SLC2A13: variants seen among roughly 807,000 people sequenced by gnomAD.
The protein encoded by SLC2A13 is proton myo-inositol cotransporter.
Under a neutral mutation model 64.4 loss-of-function variants are expected in SLC2A13, and 32 were observed. The observed-to-expected ratio is 0.50, with a 90% confidence interval of 0.37 to 0.67. The LOEUF (loss-of-function observed/expected upper bound fraction) is 0.67. Among genes scored for constraint, SLC2A13 ranks in the 30% least tolerant of loss-of-function variants. The pLI, the probability that SLC2A13 is intolerant of heterozygous loss-of-function variation, is 0.00. For missense variants in SLC2A13, 743 were observed against 829.2 expected, an observed-to-expected ratio of 0.90 and a Z score of 1.28; for synonymous variants, 338 against 327.1, an observed-to-expected ratio of 1.03 and a Z score of -0.36.
At chr12:39,824,285 T>C (rs1566832250) in intron 7 of SLC2A13, among the ~76,000 whole-genome samples, 1 of 152,226 alleles carries the variant, frequency 6.6e-6, no homozygotes, top group African/African-American at 2.4e-5. Flanking sequence ...GTGGTCTGAT[T>C]CACATCAAAG....
Position 39,864,889 on chromosome 12 carries a change from A to G in SLC2A13, c.1199-7T>C. The G allele has an allele frequency of 6.2e-7, 1 of 1,604,916 alleles. No homozygotes were observed. Among genetic ancestry groups the G allele is most frequent in the Non-Finnish European group, 8.5e-7 (1 of 1,177,506 alleles). ...ATGAGTGCTACGGTGGTACCTTAAA[A>G]AAAAAAAGTTTTATATTAGAGAAGA... On this transcript the variant is annotated splice_region_variant and splice_polypyrimidine_tract_variant and intron_variant, in intron 5 of 9. Coordinates refer to ENST00000280871, the MANE Select transcript of SLC2A13 (RefSeq NM_052885.4).
chr12:39,976,225 C>A (rs1946754863), intron 3 of SLC2A13, among the ~76,000 whole-genome samples: 1 of 152,198 alleles, frequency 6.6e-6, no homozygotes, highest in Non-Finnish European at 1.5e-5. Context: ...AGTTACTTAA[C>A]CTCTCCATAT....
intron 6 of SLC2A13, among the ~76,000 whole-genome samples, chr12:39,860,094 T>C (rs1284192717): frequency 6.6e-6 from 1 of 152,116 alleles, no homozygotes; most frequent in African/African-American, 2.4e-5. Flanking sequence ...CAATAACTCC[T>C]AAAGAACTGT....
intron 7 of SLC2A13, among the ~76,000 whole-genome samples, chr12:39,797,804 G>A (rs556810982): frequency 6.0e-5 from 9 of 150,850 alleles, no homozygotes; most frequent in Middle Eastern, 6.8e-3. Flanking sequence ...AAAACCGGTC[G>A]TAATTCAACC....
At chr12:39,958,102 T>G (rs1435394780) in intron 3 of SLC2A13, among the ~76,000 whole-genome samples, 2 of 152,210 alleles carry the variant, frequency 1.3e-5, no homozygotes, top group African/African-American at 4.8e-5. Context: ...TCAAAGTAAA[T>G]CAAGATTCAT....
intron 3 of SLC2A13, among the ~76,000 whole-genome samples, chr12:39,974,634 T>C (rs1372909356): frequency 1.3e-5 from 2 of 152,218 alleles, no homozygotes; most frequent in Non-Finnish European, 2.9e-5. Context: ...AGACTCTAAA[T>C]GCAAAACTAC....
chr12:40,104,535 G>A (rs1939239905), intron 1 of SLC2A13, among the ~76,000 whole-genome samples: 1 of 152,122 alleles, frequency 6.6e-6, no homozygotes, highest in South Asian at 2.1e-4. Flanking sequence ...AGATAATTTG[G>A]TTCCCAACTG....
intron 7 of SLC2A13, among the ~76,000 whole-genome samples, chr12:39,816,539 C>A (rs1318823795): frequency 3.3e-5 from 5 of 151,378 alleles, no homozygotes; most frequent in African/African-American, 4.9e-5. Context: ...TGTAACAAAC[C>A]TGCACGTTGT....
chr12:39,898,335 C>T (rs1944983095), intron 4 of SLC2A13, among the ~76,000 whole-genome samples: 1 of 152,078 alleles, frequency 6.6e-6, no homozygotes, highest in African/African-American at 2.4e-5. Context: ...TAGGGTGAAG[C>T]ATGGATGGTG....
chr12:39,830,354 T>C (rs1341074463), intron 6 of SLC2A13, 126 bp from the exon 7 acceptor site: 2 of 1,450,512 alleles, frequency 1.4e-6, no homozygotes, highest in East Asian at 2.4e-5. Context: ...TTGGGACTTG[T>C]TTTGGCCAAG....
chr12:39,913,165 A>G (rs1047051486), intron 4 of SLC2A13, among the ~76,000 whole-genome samples: 3 of 152,128 alleles, frequency 2.0e-5, no homozygotes, highest in Admixed American at 6.5e-5. Flanking sequence ...TGATGCCAAC[A>G]TGAAAGAAAA....
chr12:39,841,831 C>T (rs1220639185), intron 6 of SLC2A13, among the ~76,000 whole-genome samples: 2 of 151,942 alleles, frequency 1.3e-5, no homozygotes, highest in Non-Finnish European at 2.9e-5. Flanking sequence ...ACTTAAGAGA[C>T]TGAAATTCTT....
At chr12:39,859,431 G>T (rs1205113139) in intron 6 of SLC2A13, among the ~76,000 whole-genome samples, 1 of 149,972 alleles carries the variant, frequency 6.7e-6, no homozygotes, top group Non-Finnish European at 1.5e-5. Context: ...ACATGCCACT[G>T]TCCTGGTGAG....
intron 7 of SLC2A13, among the ~76,000 whole-genome samples, chr12:39,801,620 A>G (rs7966456): frequency 0.6 from 91,596 of 152,104 alleles, 28,093 homozygotes; most frequent in Non-Finnish European, 0.66. Context: ...GTCATAGGAA[A>G]AAGAGGGTAG....
chr12:39,787,765 A>C (rs1411013615), intron 7 of SLC2A13, among the ~76,000 whole-genome samples: 1 of 152,216 alleles, frequency 6.6e-6, no homozygotes, highest in African/African-American at 2.4e-5. Flanking sequence ...ACATGATGTT[A>C]GGTGAATGGA....
chr12:39,903,317 C>G (rs1255687731), intron 4 of SLC2A13, among the ~76,000 whole-genome samples: 1 of 152,064 alleles, frequency 6.6e-6, no homozygotes, highest in Non-Finnish European at 1.5e-5. Context: ...GACAGATTAG[C>G]TATTTCAGGA....
rs546607857 is a variant in SLC2A13 at position 39,822,220 on chromosome 12, T to C, written c.1445+7883A>G. ...TTACTGAGAATGATGATTTCCAAGA[T>C]AACGTTTCCTGCCCAAGTGTTAAAA... On this transcript the variant is annotated intron_variant, in intron 7 of 9. Coordinates refer to ENST00000280871, the MANE Select transcript of SLC2A13 (RefSeq NM_052885.4). Among the ~76,000 whole-genome samples the C allele has an allele frequency of 3.9e-5, 6 of 152,190 alleles. No homozygotes were observed. In the South Asian group the frequency reaches 1.2e-3, roughly 32 times the overall value.
intron 2 of SLC2A13, among the ~76,000 whole-genome samples, chr12:40,042,959 G>GAA (rs58322891): frequency 0.36 from 39,999 of 110,762 alleles, 6,777 homozygotes; most frequent in Non-Finnish European, 0.39. Flanking sequence ...GCATAAGAAT[G>GAA]AAAAAAAAAA....
intron 7 of SLC2A13, among the ~76,000 whole-genome samples, chr12:39,828,704 G>C (rs1200025535): frequency 9.9e-6 from 1 of 100,964 alleles, no homozygotes; most frequent in Non-Finnish European, 1.9e-5. Context: ...TAGACTAGTA[G>C]TAACTTAGTT....
Sources: allele counts gnomAD v4.1 joint callset (sites outside exome capture counted in the v4.1 genomes callset), GRCh38; gene constraint gnomAD v4.1.1; transcripts MANE v1.5; gene names NCBI Gene and HGNC (gene_info 2026-07-23, HGNC 2026-07-21).